The following NTF3 variants were observed in gnomAD, a reference collection of about 807,000 sequenced individuals.
The protein encoded by NTF3 is neurotrophin 3, also known as neurotrophin-3.
A neutral mutation model predicts 26.3 loss-of-function variants in NTF3; 8 were observed. The observed-to-expected ratio is 0.30, with a 90% CI of 0.18 to 0.55. The LOEUF (loss-of-function observed/expected upper bound fraction) is 0.55, where lower values mean the gene tolerates loss of function less well. Among genes scored for constraint, NTF3 ranks in the 20% least tolerant of loss-of-function variants. The pLI is 0.93. For synonymous variants in NTF3, 154 were observed against 145.5 expected, an observed-to-expected ratio of 1.06 and a Z score of -0.42; for missense variants, 276 against 352.9, an observed-to-expected ratio of 0.78 and a Z score of 1.75.
chr12:5,461,269 A>C (rs1052778921), intron 1 of NTF3, among the ~76,000 whole-genome samples: 1 of 152,130 alleles, frequency 6.6e-6, no homozygotes, highest in Non-Finnish European at 1.5e-5. Flanking sequence ...ATTCGAGTTT[A>C]ATCGCTTTAA....
At chr12:5,488,284 C>T (rs1940892764) in intron 1 of NTF3, among the ~76,000 whole-genome samples, 1 of 152,192 alleles carries the variant, frequency 6.6e-6, no homozygotes, top group African/African-American at 2.4e-5. Context: ...GTTGCCAACC[C>T]CCACGGGTGC....
chr12:5,467,294 G>T (rs1368654466), intron 1 of NTF3, among the ~76,000 whole-genome samples: 2 of 145,536 alleles, frequency 1.4e-5, no homozygotes, highest in Non-Finnish European at 3.0e-5. Context: ...GCTTTTTGGG[G>T]CAATGGGAGG....
intron 1 of NTF3, among the ~76,000 whole-genome samples, chr12:5,432,556 TACACACACACACACACACACACAC>T (rs57075143): frequency 2.2e-4 from 27 of 124,074 alleles, no homozygotes; most frequent in African/African-American, 7.1e-4. Flanking sequence ...GCCACCCCGC[TACACACACACACACACACACACAC>T]ACACACACAC....
intron 1 of NTF3, among the ~76,000 whole-genome samples, chr12:5,460,624 C>A (rs1940513016): frequency 6.6e-6 from 1 of 152,172 alleles, no homozygotes; most frequent in African/African-American, 2.4e-5. Flanking sequence ...AATAGGTATC[C>A]ATTTAATGAA....
chr12:5,440,742 A>G (rs1471917535), intron 1 of NTF3, among the ~76,000 whole-genome samples: 2 of 152,144 alleles, frequency 1.3e-5, no homozygotes, highest in African/African-American at 4.8e-5. Flanking sequence ...TGGAAAAGGG[A>G]GGAGTTGGAC....
At chr12:5,470,503 C>T (rs1192997437) in intron 1 of NTF3, among the ~76,000 whole-genome samples, 2 of 152,328 alleles carry the variant, frequency 1.3e-5, no homozygotes, top group East Asian at 3.9e-4. Context: ...GTTCCTGGGG[C>T]ATTCCACTTG....
At chr12:5,453,755 C>T (rs777430615) in intron 1 of NTF3, among the ~76,000 whole-genome samples, 22 of 152,178 alleles carry the variant, frequency 1.4e-4, no homozygotes, top group Non-Finnish European at 2.9e-4. Flanking sequence ...TGAAGGTCTC[C>T]CTGGCCCAGC....
At chr12:5,459,005 C>T (rs10849273) in intron 1 of NTF3, among the ~76,000 whole-genome samples, 41,573 of 152,114 alleles carry the variant, frequency 0.27, 6,344 homozygotes, top group East Asian at 0.51. Context: ...TGGAAAATCC[C>T]ACTCGCCCTA....
At chr12:5,432,415 G>A (rs1940103492) in intron 1 of NTF3, 73 bp downstream of exon 1, 2 of 1,550,462 alleles carry the variant, frequency 1.3e-6, no homozygotes, top group Admixed American at 1.7e-5. Flanking sequence ...GGATTTTCCA[G>A]TGGACTGGTG....
At chr12:5,450,271 C>G (rs1247649810) in intron 1 of NTF3, among the ~76,000 whole-genome samples, 1 of 152,234 alleles carries the variant, frequency 6.6e-6, no homozygotes, top group African/African-American at 2.4e-5. Flanking sequence ...GGTGGAGCAG[C>G]ATGGAAACAG....
intron 1 of NTF3, among the ~76,000 whole-genome samples, chr12:5,475,256 G>T (rs1010088060): frequency 1.1e-4 from 17 of 152,150 alleles, no homozygotes; most frequent in Non-Finnish European, 2.1e-4. Context: ...CTGGAGGAGG[G>T]ATCGGAGTGT....
chr12:5,460,801 C>T (rs1940515301), intron 1 of NTF3, among the ~76,000 whole-genome samples: 3 of 152,184 alleles, frequency 2.0e-5, no homozygotes, highest in Admixed American at 6.5e-5. Context: ...TCCCTTAATA[C>T]CAGGCCCCAG....
At chr12:5,455,724 A>C (rs957871599) in intron 1 of NTF3, among the ~76,000 whole-genome samples, 1 of 152,130 alleles carries the variant, frequency 6.6e-6, no homozygotes, top group Non-Finnish European at 1.5e-5. Context: ...TGTGGCTCTG[A>C]GAAGTTCATG....
intron 1 of NTF3, among the ~76,000 whole-genome samples, chr12:5,487,532 T>C (rs1431474779): frequency 6.6e-6 from 1 of 152,218 alleles, no homozygotes; most frequent in African/African-American, 2.4e-5. Flanking sequence ...TTTATTTTAT[T>C]TTATCCTAGA....
At chr12:5,476,422 A>T (rs1940724192) in intron 1 of NTF3, among the ~76,000 whole-genome samples, 1 of 152,194 alleles carries the variant, frequency 6.6e-6, no homozygotes, top group Non-Finnish European at 1.5e-5. Context: ...CAAATTGTTG[A>T]TCTACAGTAA....
intron 1 of NTF3, among the ~76,000 whole-genome samples, chr12:5,468,946 C>A (rs1192437553): frequency 6.6e-6 from 1 of 152,140 alleles, no homozygotes; most frequent in Admixed American, 6.5e-5. Flanking sequence ...CATGGCAAAA[C>A]CCCATCTTCA....
At chr12:5,439,830 A>C (rs796608956) in intron 1 of NTF3, among the ~76,000 whole-genome samples, 4 of 152,322 alleles carry the variant, frequency 2.6e-5, no homozygotes, top group African/African-American at 9.6e-5. Flanking sequence ...TAGAATTTGG[A>C]AGATGGCTTT....
intron 1 of NTF3, among the ~76,000 whole-genome samples, chr12:5,478,325 CTGTT>C (rs751670768): frequency 5.3e-5 from 8 of 152,340 alleles, no homozygotes; most frequent in Non-Finnish European, 1.2e-4. Flanking sequence ...ATTGTAAATT[CTGTT>C]TGTGTGGCAT....
At chr12:5,459,518 T>A (rs1196009101) in intron 1 of NTF3, among the ~76,000 whole-genome samples, 1 of 152,202 alleles carries the variant, frequency 6.6e-6, no homozygotes, top group Non-Finnish European at 1.5e-5. Context: ...GCAGATTTCA[T>A]CTTCTCTTGT....
Sources: gnomAD v4.1 joint callset for allele counts (sites outside exome capture counted in the v4.1 genomes callset) on GRCh38, gnomAD v4.1.1 for gene constraint, MANE v1.5 for transcripts, NCBI Gene and HGNC (gene_info 2026-07-23, HGNC 2026-07-21) for gene names.